Variants in SYNRG observed in about 807,000 individuals in gnomAD.
SYNRG encodes the protein synergin gamma.
SYNRG carries 37 observed loss-of-function variants against 130.9 expected under a neutral mutation model. The observed-to-expected ratio is 0.28, with a 90% CI of 0.22 to 0.37. SYNRG has a LOEUF of 0.37. Ranked by LOEUF, SYNRG falls within the 10% of genes least tolerant of loss-of-function variation. SYNRG has a pLI of 1.00. For missense variants in SYNRG, 1,338 were observed against 1,588.9 expected (o/e 0.84, Z 2.68); for synonymous variants, 539 against 568.1 (o/e 0.95, Z 0.73).
rs3049513 is a variant in SYNRG, at chr17:37,529,538, C to CAA, written c.3666+6439_3666+6440dup. Among the ~76,000 whole-genome samples, 897 of 124,588 alleles carry CAA rather than the reference C, an allele frequency of 7.2e-3. 9 individuals are homozygous for CAA. The highest frequency in any genetic ancestry group is 0.023 in the African/African-American group (743 of 31,986). 81.7% of individuals were successfully genotyped at this position (124,588 alleles called of 152,430 possible). Reference sequence around the variant, plus strand: ...TTATTGTACATGTATATATATTTTACAAAAAAAAAAAAAAAAAGAAAAGAA... The same window carrying CAA: ...TTATTGTACATGTATATATATTTTACAAAAAAAAAAAAAAAAAAAGAAAAGAA... On this transcript the variant is annotated intron_variant, in intron 19 of 21. Coordinates refer to ENST00000612223, the MANE Select transcript of SYNRG (RefSeq NM_007247.6).
At chr17:37,558,143 A>G (rs1013668342) in intron 13 of SYNRG, among the ~76,000 whole-genome samples, 1 of 152,210 alleles carries the variant, frequency 6.6e-6, no homozygotes, top group Non-Finnish European at 1.5e-5. Flanking sequence ...AGAAATGGCT[A>G]TTACATTCTA....
chr17:37,603,243 C>T (rs1263702039), intron 1 of SYNRG, among the ~76,000 whole-genome samples: 1 of 152,024 alleles, frequency 6.6e-6, no homozygotes, highest in African/African-American at 2.4e-5. Context: ...GTGGCTCACA[C>T]CTATAATCCC....
At chr17:37,548,263 G>A (rs1175897646) in intron 14 of SYNRG, among the ~76,000 whole-genome samples, 1 of 152,104 alleles carries the variant, frequency 6.6e-6, no homozygotes, top group African/African-American at 2.4e-5. Flanking sequence ...ATCACTAGAT[G>A]GAAGCTACAC....
intron 14 of SYNRG, among the ~76,000 whole-genome samples, chr17:37,547,418 C>G (rs2058365337): frequency 6.6e-6 from 1 of 150,918 alleles, no homozygotes. Flanking sequence ...GGATTTAGCA[C>G]AGGTTTTTTG....
At position 37,577,530 on chromosome 17, in the gene SYNRG, C is replaced by G. The variant is rs1383330985; in HGVS notation, c.673G>C (p.Val225Leu). Residue 225 changes from valine to leucine, a missense_variant, in exon 7 of 22, where the codon GTT becomes CTT. Around this residue, in one of 3 missense-constraint regions of SYNRG, gnomAD observed 1,146 missense variants for 1,342.3 expected, o/e 0.85. Coordinates refer to ENST00000612223, the MANE Select transcript of SYNRG (RefSeq NM_007247.6). ...QEQIKLNTSE[V>L]GHKALGPGSS... Reference sequence around the variant, plus strand: ...CCTGGGCCTAGGGCTTTGTGGCCAACTTCAGAAGTATTTAATTTAATTTGT... The same window carrying G: ...CCTGGGCCTAGGGCTTTGTGGCCAAGTTCAGAAGTATTTAATTTAATTTGT... 1.2e-6 allele frequency: 2 copies of G among 1,614,082 alleles called. No homozygotes were observed. Among genetic ancestry groups the G allele is most frequent in the South Asian group, 2.2e-5 (2 of 91,078 alleles).
chr17:37,577,398 G>C lies in SYNRG; in HGVS notation c.805C>G (p.Leu269Val), dbSNP rs761195624. The C allele has an allele frequency of 1.1e-5, 17 of 1,614,056 alleles. No individual in the cohort carries two copies. In the African/African-American group the frequency reaches 1.9e-4, roughly 18 times the overall value. Residue 269 changes from leucine to valine, a missense_variant, in exon 7 of 22, where the codon CTG becomes GTG. By Grantham distance (32) the Leu-to-Val change is conservative (BLOSUM62 1). This residue lies in a region of SYNRG where 1,146 missense variants were observed against 1,342.3 expected (regional missense o/e 0.85). Coordinates refer to ENST00000612223, the MANE Select transcript of SYNRG (RefSeq NM_007247.6). ...AEAENTSDQN[L>V]SIEESGVGVF... ...AGCTCACCACTCTCTTCAATTGACA[G>C]GTTTTGATCTGAAGTATTTTCTGCC...
In SYNRG at chr17:37,608,704, A is replaced by C. The variant is rs537455049; in HGVS notation, c.77+575T>G. On this transcript the variant is annotated intron_variant, in intron 1 of 21. Coordinates refer to ENST00000612223, the MANE Select transcript of SYNRG (RefSeq NM_007247.6). The stretch of plus-strand genomic sequence containing the variant: ...TTAAGAGTTAGTGTACAAGACAAGA[A>C]CTCTATCTCAAGACCATTACTAATT... Among the ~76,000 whole-genome samples the C allele has an allele frequency of 3.9e-5, 6 of 152,240 alleles. No homozygotes were observed. The East Asian group carries it at 1.2e-3, about 29-fold the overall frequency.
In SYNRG at chr17:37,516,325, T is replaced by C. The variant is rs2054423729; in HGVS notation, c.*2615A>G. 1 of 152,210 alleles carries C rather than the reference T, an allele frequency of 6.6e-6. No homozygotes were observed. Among genetic ancestry groups the C allele is most frequent in the African/African-American group, 2.4e-5 (1 of 41,448 alleles). 9.4% of individuals were successfully genotyped at this position (152,210 alleles called of 1,614,324 possible). Reference sequence around the variant, plus strand: ...GCAACCGTGTCCCACACTCCTTGGATCCCTATTGGTGGCATCTAATTAAAC... The same window carrying C: ...GCAACCGTGTCCCACACTCCTTGGACCCCTATTGGTGGCATCTAATTAAAC... On this transcript the variant is annotated 3_prime_UTR_variant, in exon 22 of 22. Transcript: ENST00000612223.
At chr17:37,585,555 A>G in intron 4 of SYNRG, 125 bp from the exon 5 acceptor site, 1 of 641,204 alleles carries the variant, frequency 1.6e-6, no homozygotes, top group South Asian at 2.0e-5. Context: ...TCATTGCTAA[A>G]TATCTAGTTT....
chr17:37,529,804 G>A (rs1168900375), intron 19 of SYNRG: 4 of 1,551,558 alleles, frequency 2.6e-6, no homozygotes, highest in Non-Finnish European at 2.6e-6. Flanking sequence ...AGAGCTCATG[G>A]TAAGGAGAGA....
In SYNRG at chr17:37,533,594, T is replaced by C. The variant is rs566842875; in HGVS notation, c.3666+2385A>G. On this transcript the variant is annotated intron_variant, in intron 19 of 21. Coordinates refer to ENST00000612223, the MANE Select transcript of SYNRG (RefSeq NM_007247.6). Reference sequence around the variant, plus strand: ...TTTTCTTTCTTTTCTTTTTCTTTTTTTTTTTTTTTTGAGACAGAGATTCAC... The same window carrying C: ...TTTTCTTTCTTTTCTTTTTCTTTTTCTTTTTTTTTTGAGACAGAGATTCAC... Among the ~76,000 whole-genome samples, 91 of 148,978 alleles carry C rather than the reference T, an allele frequency of 6.1e-4. 1 individual carries two copies. Among genetic ancestry groups the C allele is most frequent in the African/African-American group, 2.1e-3 (86 of 40,964 alleles).
Position 37,600,381 on chromosome 17 carries a change from C to T in SYNRG, c.100G>A (p.Gly34Arg), listed in dbSNP as rs2063160386. Reference sequence around the variant, plus strand: ...CACATACCTTGAGGGGGTCTTATCCCACCTGCAACAGGAAACATGAAGCTG... The same window carrying T: ...CACATACCTTGAGGGGGTCTTATCCTACCTGCAACAGGAAACATGAAGCTG... ...GGGFMFPVAGGIRPPQAGLMP... is the reference protein window; with the variant it reads ...GGGFMFPVAGRIRPPQAGLMP... The change falls in exon 2 of 22, where the codon GGG becomes AGG. Residue 34 changes from glycine (G) to arginine (R), a missense_variant. Physicochemically the swap from Gly to Arg is moderately radical, Grantham distance 125. Around this residue, in one of 3 missense-constraint regions of SYNRG, gnomAD observed 184 missense variants for 217.2 expected, o/e 0.85. Transcript: ENST00000612223. The T allele has an allele frequency of 1.2e-6, 2 of 1,612,984 alleles. No individual in the cohort carries two copies. Among genetic ancestry groups the T allele is most frequent in the African/African-American group, 1.3e-5 (1 of 74,874 alleles).
chr17:37,552,632 A>G (rs2058794656), intron 14 of SYNRG, among the ~76,000 whole-genome samples: 1 of 152,200 alleles, frequency 6.6e-6, no homozygotes, highest in African/African-American at 2.4e-5. Flanking sequence ...CTGCACTACA[A>G]GTGGTTAGAA....
At position 37,518,809 on chromosome 17, in the gene SYNRG, C is replaced by T. The variant is rs557226857; in HGVS notation, c.*131G>A. ...CTGGCCGTGGGGATGACGGGGGCCC[C>T]GTCCCTTGCGGTGTTCTTCATATCG... On this transcript the variant is annotated 3_prime_UTR_variant, in exon 22 of 22. Transcript: ENST00000612223. The T allele has an allele frequency of 3.6e-5, 49 of 1,374,960 alleles. No individual in the cohort carries two copies. In the Admixed American group the frequency reaches 4.5e-4, roughly 13 times the overall value. 85.2% of individuals were successfully genotyped at this position (1,374,960 alleles called of 1,614,324 possible). A position where few individuals can be genotyped will look rare whatever the true frequency, so the allele number is the denominator to read the frequency against.
intron 11 of SYNRG, among the ~76,000 whole-genome samples, 158 bp from the exon 12 acceptor site, chr17:37,561,747 TA>T (rs549115936): frequency 1.2e-4 from 18 of 145,278 alleles, no homozygotes; most frequent in East Asian, 7.9e-4. Context: ...ATACCACAAA[TA>T]AAAAAAAAAC....
At chr17:37,583,393 A>C (rs2061475751) in intron 6 of SYNRG, among the ~76,000 whole-genome samples, 1 of 152,028 alleles carries the variant, frequency 6.6e-6, no homozygotes, top group African/African-American at 2.4e-5. Flanking sequence ...TTTTCTTTTC[A>C]ATCTTGTATA....
chr17:37,577,578 C>T lies in SYNRG; in HGVS notation c.625G>A (p.Asp209Asn). The T allele has an allele frequency of 6.2e-7, 1 of 1,614,046 alleles. No individual in the cohort carries two copies. The highest frequency in any genetic ancestry group is 8.5e-7 in the Non-Finnish European group (1 of 1,180,010). The change falls in exon 7 of 22, where the codon GAT (aspartate) becomes AAT (asparagine). Residue 209 changes from aspartate to asparagine, a missense_variant. Asp to Asn is a conservative substitution (Grantham distance 23, BLOSUM62 1). Around this residue, in one of 3 missense-constraint regions of SYNRG, gnomAD observed 1,146 missense variants for 1,342.3 expected, o/e 0.85. Transcript: ENST00000612223. ...SLEEKFLVSC[D>N]ISTSGQEQIK... ...TGTTCCTGCCCAGATGTACTTATAT[C>T]ACAAGATACTAGGAACTTCTCCTCC...
chr17:37,526,231 C>G (rs768364272), intron 19 of SYNRG, among the ~76,000 whole-genome samples: 1 of 152,162 alleles, frequency 6.6e-6, no homozygotes, highest in Non-Finnish European at 1.5e-5. Flanking sequence ...CAGCTATGTT[C>G]CACATGGTGG....
At chr17:37,520,513 T>C in intron 20 of SYNRG, 25 bp downstream of exon 20, 1 of 1,604,162 alleles carries the variant, frequency 6.2e-7, no homozygotes, top group Non-Finnish European at 8.5e-7. Context: ...CCCTTTGCTG[T>C]CTGCAAGGAG....
Sources: allele counts gnomAD v4.1 joint callset (sites outside exome capture counted in the v4.1 genomes callset), GRCh38; gene constraint gnomAD v4.1.1; regional missense constraint gnomAD v4.1.1; transcripts MANE v1.5; gene names NCBI Gene and HGNC (gene_info 2026-07-23, HGNC 2026-07-21).